The following SIN3B variants were observed in gnomAD, a reference collection of about 807,000 sequenced individuals.
The protein encoded by SIN3B is paired amphipathic helix protein Sin3b.
SIN3B carries 19 observed loss-of-function variants against 120.2 expected under a neutral mutation model. The observed-to-expected ratio is 0.16, with a 90% CI of 0.11 to 0.23. The LOEUF is 0.23. Among genes scored for constraint, SIN3B ranks in the 10% least tolerant of loss-of-function variants. The probability of loss-of-function intolerance (pLI) is 1.00; values close to 1 mark genes in which losing one functional copy is unlikely to be tolerated. For missense variants in SIN3B, 1,073 were observed against 1,573.0 expected (o/e 0.68, Z 5.38); for synonymous variants, 654 against 653.2 (o/e 1.00, Z -0.02).
At chr19:16,831,740 A>G in intron 3 of SIN3B, 93 bp downstream of exon 3, 2 of 1,093,912 alleles carry the variant, frequency 1.8e-6, no homozygotes, top group South Asian at 1.4e-5. Context: ...TATCATTGCT[A>G]GAAAGCCACT....
intron 18 of SIN3B, 41 bp downstream of exon 18, chr19:16,878,431 C>T: frequency 6.3e-7 from 1 of 1,589,798 alleles, no homozygotes; most frequent in African/African-American, 1.3e-5. Flanking sequence ...TGCCCCTCCT[C>T]ACCCCAAGTC....
intron 14 of SIN3B, among the ~76,000 whole-genome samples, chr19:16,874,187 A>G (rs2051550423): frequency 6.6e-6 from 1 of 152,228 alleles, no homozygotes; most frequent in East Asian, 1.9e-4. Flanking sequence ...CACTCAGGCC[A>G]CCTTCAGCTC....
chr19:16,862,343 T>C lies in SIN3B; in HGVS notation c.1059-9T>C. ...GATGACCAGTTACCATGTGTCTTTA[T>C]CTTTGAAGGAAATTTCCAGAACTCT... On this transcript the variant is annotated splice_polypyrimidine_tract_variant and intron_variant, in intron 8 of 18. Transcript: ENST00000248054. The surrounding 1 kb of genome is among the most constrained non-coding windows in gnomAD (Gnocchi z 4.7). 6.2e-7 allele frequency: 1 copy of C among 1,608,828 alleles called. No individual in the cohort carries two copies. Among genetic ancestry groups the C allele is most frequent in the Non-Finnish European group, 8.5e-7 (1 of 1,175,484 alleles).
chr19:16,830,785 G>A (rs1971268615), intron 2 of SIN3B, among the ~76,000 whole-genome samples: 1 of 152,194 alleles, frequency 6.6e-6, no homozygotes, highest in African/African-American at 2.4e-5. Flanking sequence ...GCAATTGTTT[G>A]CTCAGATGGA....
intron 14 of SIN3B, among the ~76,000 whole-genome samples, chr19:16,873,481 A>T (rs2051538876): frequency 6.6e-6 from 1 of 151,098 alleles, no homozygotes; most frequent in South Asian, 2.1e-4. Context: ...GGTGTTGGGG[A>T]AGTGACGCAG....
At chr19:16,870,113 G>T in intron 13 of SIN3B, 38 bp downstream of exon 13, 1 of 1,519,654 alleles carries the variant, frequency 6.6e-7, no homozygotes. Flanking sequence ...CCCGGGGGGT[G>T]CCTGGGGTTA....
At chr19:16,878,451 T>A (rs201682701) in intron 18 of SIN3B, 46 bp from the exon 19 acceptor site, 13 of 1,574,482 alleles carry the variant, frequency 8.3e-6, no homozygotes, top group Non-Finnish European at 1.1e-5. Flanking sequence ...CCTGGGGCCC[T>A]GGGGGTCCAG....
chr19:16,865,761 G>A (rs985574717), intron 11 of SIN3B, 113 bp downstream of exon 11: 2 of 682,408 alleles, frequency 2.9e-6, no homozygotes. Flanking sequence ...AGTGCTGTTT[G>A]TCAACAGGTG....
At chr19:16,839,187 C>G (rs1200982358) in intron 3 of SIN3B, among the ~76,000 whole-genome samples, 1 of 152,096 alleles carries the variant, frequency 6.6e-6, no homozygotes, top group African/African-American at 2.4e-5. Context: ...AGGCTCGTCT[C>G]AAACTCCTGA....
chr19:16,831,311 C>A (rs370831289), intron 2 of SIN3B, among the ~76,000 whole-genome samples, 183 bp from the exon 3 acceptor site: 4 of 152,256 alleles, frequency 2.6e-5, no homozygotes, highest in African/African-American at 9.6e-5. Context: ...GATCTGCCTG[C>A]CTCGGCCTCC....
intron 3 of SIN3B, among the ~76,000 whole-genome samples, chr19:16,838,898 T>A (rs532643775): frequency 6.7e-6 from 1 of 149,636 alleles, no homozygotes; most frequent in East Asian, 2.0e-4. Context: ...AGTCTTGAAC[T>A]CCTGACCTCG....
At position 16,831,347 on chromosome 19, in the gene SIN3B, GCCA is replaced by G. The variant is rs546864243; in HGVS notation, c.228-145_228-143del. On this transcript the variant is annotated intron_variant, in intron 2 of 18. Coordinates refer to ENST00000248054, the MANE Select transcript of SIN3B (RefSeq NM_001297595.2). ...TAAAGTGCTGGGATTACAGGCATGA[GCCA>G]CTGCGCCTGGTGGGTCACATTTTAG... is the stretch of plus-strand genomic sequence containing the variant. 2.9e-4 allele frequency: 218 copies of G among 764,310 alleles called. No individual in the cohort carries two copies. In the South Asian group the frequency reaches 3.1e-3, roughly 11 times the overall value. The allele number at this position is 764,310 out of a possible 1,614,324, so 47.3% of individuals were successfully genotyped here.
chr19:16,833,374 C>T (rs1971303705), intron 3 of SIN3B, among the ~76,000 whole-genome samples: 1 of 152,134 alleles, frequency 6.6e-6, no homozygotes, highest in African/African-American at 2.4e-5. Context: ...TGGCTCACGC[C>T]TGTAATCCCA....
At chr19:16,866,636 C>A in intron 12 of SIN3B, 80 bp downstream of exon 12, 1 of 1,421,484 alleles carries the variant, frequency 7.0e-7, no homozygotes. Flanking sequence ...CCTCTGTTTC[C>A]CTGGTGGTTA....
intron 11 of SIN3B, among the ~76,000 whole-genome samples, chr19:16,865,950 T>G (rs1241737452): frequency 6.6e-6 from 1 of 152,264 alleles, no homozygotes; most frequent in African/African-American, 2.4e-5. Flanking sequence ...GCTTGCATTT[T>G]ATTTAATGCT....
intron 10 of SIN3B, 45 bp downstream of exon 10, chr19:16,863,841 C>T (rs1189285124): frequency 5.0e-6 from 7 of 1,399,186 alleles, no homozygotes; most frequent in Non-Finnish European, 7.1e-6. Context: ...GTGCCTGTTC[C>T]CCTTCTCCAT....
intron 3 of SIN3B, among the ~76,000 whole-genome samples, chr19:16,837,448 G>A (rs1971362429): frequency 6.6e-6 from 1 of 151,950 alleles, no homozygotes; most frequent in Non-Finnish European, 1.5e-5. Context: ...CAATTCCCAA[G>A]TGATGAGGAC....
At chr19:16,859,675 G>A (rs1052643632) in intron 8 of SIN3B, among the ~76,000 whole-genome samples, 2 of 152,142 alleles carry the variant, frequency 1.3e-5, no homozygotes, top group African/African-American at 2.4e-5. Context: ...CAGCCAAAAC[G>A]GGGACTCCTG....
rs965034174 is a variant in SIN3B, at chr19:16,851,547, C to A, written c.849+13C>A. ...TGCACCCGCCAAGGTACCTGTGAGC[C>A]ACATGCAGCCATGCCTGCACGCGGG... On this transcript the variant is annotated intron_variant, in intron 6 of 18. Transcript: ENST00000248054. 7.6e-6 allele frequency: 12 copies of A among 1,583,584 alleles called. No homozygotes were observed. Among genetic ancestry groups the A allele is most frequent in the African/African-American group, 1.4e-5 (1 of 73,736 alleles).
Sources: allele counts gnomAD v4.1 joint callset (sites outside exome capture counted in the v4.1 genomes callset), GRCh38; gene constraint gnomAD v4.1.1; non-coding constraint Gnocchi (gnomAD v3.1); transcripts MANE v1.5; gene names NCBI Gene and HGNC (gene_info 2026-07-23, HGNC 2026-07-21).